The following UMAD1 variants were observed in gnomAD, a reference collection of about 807,000 sequenced individuals.
UMAD1 encodes UBAP1-MVB12-associated (UMA) domain containing 1, also known as UBAP1-MVB12-associated (UMA)-domain containing protein 1.
Under a neutral mutation model 6.1 loss-of-function variants are expected in UMAD1, and 8 were observed. That is an observed-to-expected ratio of 1.30 (90% CI 0.76 to 2.35). The LOEUF (loss-of-function observed/expected upper bound fraction) is 2.35, where lower values mean the gene tolerates loss of function less well. Among genes scored for constraint, UMAD1 ranks in the 30% most tolerant of loss-of-function variants. The pLI is 0.00. For missense variants in UMAD1, 130 were observed against 78.4 expected (o/e 1.66, Z -2.49); for synonymous variants, 56 against 31.4 (o/e 1.78, Z -2.61).
At position 7,830,173 on chromosome 7, in the gene UMAD1, A is replaced by C. The variant is rs1783433246; in HGVS notation, c.156+28430A>C. On this transcript the variant is annotated intron_variant, in intron 3 of 3. Transcript: ENST00000682710. This position sits in a 1 kb window ranked among gnomAD's most constrained non-coding sequence, Gnocchi z 5.3. ...TGCCAGTGGACCTGCAGGTCTGGCC[A>C]AGCCCCTGCTAGGACTGTGTCTACC... 6.6e-6 allele frequency among the ~76,000 whole-genome samples: 1 copy of C among 152,236 alleles called. No individual in the cohort carries two copies. The highest frequency in any genetic ancestry group is 1.5e-5 in the Non-Finnish European group (1 of 68,038).
chr7:7,878,681 A>AT lies in UMAD1; in HGVS notation c.*1149dup, dbSNP rs1332879665. 6.6e-6 allele frequency: 1 copy of AT among 152,140 alleles called. No individual in the cohort carries two copies. Among genetic ancestry groups the AT allele is most frequent in the African/African-American group, 2.4e-5 (1 of 41,462 alleles). 9.4% of individuals were successfully genotyped at this position (152,140 alleles called of 1,614,324 possible). A position where few individuals can be genotyped will look rare whatever the true frequency, so the allele number is the denominator to read the frequency against. ...TAACTCTGTGCCAAGTTTTAAGTAT[A>AT]TTTTTTCACAAAGATAGAGTGCCAT... On this transcript the variant is annotated 3_prime_UTR_variant, in exon 4 of 4. Coordinates refer to ENST00000682710, the MANE Select transcript of UMAD1 (RefSeq NM_001302348.2).
intron 2 of UMAD1, among the ~76,000 whole-genome samples, chr7:7,768,823 C>G (rs527246838): frequency 1.1e-3 from 165 of 152,248 alleles, no homozygotes; most frequent in African/African-American, 3.8e-3. Context: ...TGTACTTTCT[C>G]TTCTTCCCCA....
intron 2 of UMAD1, chr7:7,689,314 A>G (rs1780117194): frequency 6.6e-6 from 1 of 152,188 alleles, no homozygotes; most frequent in South Asian, 2.1e-4. Flanking sequence ...TGTTTTATCT[A>G]TCATTGCCAA....
At chr7:7,644,022 T>A (rs1468228726) in intron 1 of UMAD1, among the ~76,000 whole-genome samples, 2 of 152,052 alleles carry the variant, frequency 1.3e-5, no homozygotes, top group African/African-American at 4.8e-5. Context: ...AGTAAAAAAA[T>A]GATTTCCCCA....
chr7:7,711,319 C>T (rs1280215160), intron 2 of UMAD1, among the ~76,000 whole-genome samples: 1 of 152,146 alleles, frequency 6.6e-6, no homozygotes, highest in African/African-American at 2.4e-5. Flanking sequence ...TACATGTCTC[C>T]TGGTGCACAT....
intron 2 of UMAD1, chr7:7,742,021 C>T (rs1401479325): frequency 5.2e-6 from 2 of 385,144 alleles, no homozygotes; most frequent in Admixed American, 3.3e-5. Flanking sequence ...TAAATGAATA[C>T]TGATGTGAGA....
At chr7:7,689,880 A>G (rs1044960369) in intron 2 of UMAD1, among the ~76,000 whole-genome samples, 23 of 152,216 alleles carry the variant, frequency 1.5e-4, no homozygotes, top group Non-Finnish European at 2.9e-4. Flanking sequence ...GCAGCTAGTG[A>G]TTAACAACCA....
intron 3 of UMAD1, among the ~76,000 whole-genome samples, chr7:7,814,189 T>C (rs1281137530): frequency 7.2e-5 from 11 of 152,176 alleles, no homozygotes; most frequent in Admixed American, 7.2e-4. Flanking sequence ...TTTCACCATG[T>C]TGGCCAGGAT....
intron 3 of UMAD1, among the ~76,000 whole-genome samples, chr7:7,821,861 C>T (rs1205647143): frequency 1.3e-5 from 2 of 152,130 alleles, no homozygotes; most frequent in African/African-American, 4.8e-5. Flanking sequence ...AATTGGTTTT[C>T]AGAGACCCAA....
At chr7:7,874,864 C>G (rs564823361) in intron 3 of UMAD1, among the ~76,000 whole-genome samples, 19 of 152,156 alleles carry the variant, frequency 1.2e-4, no homozygotes, top group Non-Finnish European at 2.2e-4. Flanking sequence ...CTGGTCTTTT[C>G]TATTTCCTGA....
intron 2 of UMAD1, among the ~76,000 whole-genome samples, chr7:7,748,974 A>C (rs539958721): frequency 6.6e-6 from 1 of 151,976 alleles, no homozygotes; most frequent in Non-Finnish European, 1.5e-5. Context: ...CCTATTACAC[A>C]TGATTTTCTT....
At chr7:7,749,522 A>G (rs925619996) in intron 2 of UMAD1, among the ~76,000 whole-genome samples, 1 of 152,172 alleles carries the variant, frequency 6.6e-6, no homozygotes, top group African/African-American at 2.4e-5. Context: ...TAGCAATTTT[A>G]GCTTCCAGTA....
chr7:7,748,134 C>T (rs938092257), intron 2 of UMAD1, among the ~76,000 whole-genome samples: 2 of 138,522 alleles, frequency 1.4e-5, no homozygotes, highest in South Asian at 2.2e-4. Context: ...TCAGTAGAGA[C>T]GGGGTTTCAC....
chr7:7,670,703 A>C (rs28915999), intron 1 of UMAD1, among the ~76,000 whole-genome samples: 6 of 152,190 alleles, frequency 3.9e-5, no homozygotes, highest in Admixed American at 2.0e-4. Flanking sequence ...TGGAGACTTC[A>C]TGAACTAAAA....
At chr7:7,696,003 A>G (rs74470841) in intron 2 of UMAD1, among the ~76,000 whole-genome samples, 3,368 of 134,750 alleles carry the variant, frequency 0.025, 139 homozygotes, top group African/African-American at 0.091. Context: ...TTTTTCTGAT[A>G]AACTTACCAG....
intron 2 of UMAD1, among the ~76,000 whole-genome samples, chr7:7,727,181 A>G (rs1022042182): frequency 2.0e-5 from 3 of 152,234 alleles, no homozygotes; most frequent in African/African-American, 7.2e-5. Flanking sequence ...AGAAATGAGG[A>G]CTGTAATTCT....
chr7:7,801,937 G>A (rs1305190153), intron 3 of UMAD1, among the ~76,000 whole-genome samples, 194 bp downstream of exon 3: 3 of 152,206 alleles, frequency 2.0e-5, no homozygotes, highest in Non-Finnish European at 4.4e-5. Context: ...CTCCTTTAGT[G>A]CTAGAAATGA....
At chr7:7,805,754 C>A (rs568302945) in intron 3 of UMAD1, among the ~76,000 whole-genome samples, 1 of 152,234 alleles carries the variant, frequency 6.6e-6, no homozygotes, top group South Asian at 2.1e-4. Context: ...ATTTGCTAGT[C>A]ATTTTTTAAA....
intron 2 of UMAD1, among the ~76,000 whole-genome samples, chr7:7,756,050 G>A (rs138094731): frequency 6.6e-6 from 1 of 152,274 alleles, no homozygotes; most frequent in East Asian, 1.9e-4. Flanking sequence ...TGGGAGCGGG[G>A]GACTCAAGAA....
Sources: allele counts gnomAD v4.1 joint callset (sites outside exome capture counted in the v4.1 genomes callset), GRCh38; gene constraint gnomAD v4.1.1; non-coding constraint Gnocchi (gnomAD v3.1); transcripts MANE v1.5; gene names NCBI Gene and HGNC (gene_info 2026-07-23, HGNC 2026-07-21).